Variants in EPB41L4A observed in about 807,000 individuals in gnomAD.
The protein encoded by EPB41L4A is band 4.1-like protein 4A.
Under a neutral mutation model 108.6 loss-of-function variants are expected in EPB41L4A, and 100 were observed. That is an observed-to-expected ratio of 0.92 (90% confidence interval 0.78 to 1.09). The LOEUF (loss-of-function observed/expected upper bound fraction) is 1.09, where lower values mean the gene tolerates loss of function less well. EPB41L4A is among the 50% of genes least tolerant of loss of function. The pLI is 0.00. For missense variants in EPB41L4A, 1,030 were observed against 842.7 expected (o/e 1.22, Z -2.75); for synonymous variants, 319 against 289.0 (o/e 1.10, Z -1.05).
intron 17 of EPB41L4A, among the ~76,000 whole-genome samples, chr5:112,191,127 G>A (rs1360028759): frequency 6.6e-6 from 1 of 152,108 alleles, no homozygotes; most frequent in Admixed American, 6.5e-5. Flanking sequence ...TCAAAACCTA[G>A]AAAGCTGTAG....
At chr5:112,167,503 C>T (rs1189917449) in intron 22 of EPB41L4A, among the ~76,000 whole-genome samples, 1 of 152,060 alleles carries the variant, frequency 6.6e-6, no homozygotes, top group Non-Finnish European at 1.5e-5. Flanking sequence ...TGCCGTGTAG[C>T]TCAAAACTGA....
At chr5:112,186,387 T>G (rs1761428529) in intron 17 of EPB41L4A, among the ~76,000 whole-genome samples, 1 of 152,216 alleles carries the variant, frequency 6.6e-6, no homozygotes, top group African/African-American at 2.4e-5. Context: ...TTCACTCTGA[T>G]GATAAAAAAT....
At chr5:112,148,677 GT>G (rs1219098751) in intron 12 of EPB41L4A, among the ~76,000 whole-genome samples, 1 of 151,776 alleles carries the variant, frequency 6.6e-6, no homozygotes, top group Non-Finnish European at 1.5e-5. Context: ...TGTTTAGTAA[GT>G]TTTTTTTACA....
exon 14 of EPB41L4A, chr5:112,143,536 T>C (rs956283269): frequency 2.5e-5 from 4 of 158,780 alleles, no homozygotes; most frequent in African/African-American, 9.6e-5. Context: ...TCATTAGCAC[T>C]GATGTCAGAC....
At chr5:112,281,916 T>C (rs893384687) in intron 2 of EPB41L4A, among the ~76,000 whole-genome samples, 4 of 152,168 alleles carry the variant, frequency 2.6e-5, no homozygotes, top group African/African-American at 9.7e-5. Flanking sequence ...GCTTCATTAT[T>C]TGTCACTCAC....
Position 112,164,988 on chromosome 5 carries a change from G to C in EPB41L4A, c.*2C>G. On this transcript the variant is annotated 3_prime_UTR_variant, in exon 23 of 23. Coordinates refer to ENST00000261486, the MANE Select transcript of EPB41L4A (RefSeq NM_022140.5). ...ACCCCTACCCTTGACCCTTCATCAG[G>C]ATCAAGTCTCTGTCTTGAGGCGGGA... 1 of 1,612,110 alleles carries C rather than the reference G, an allele frequency of 6.2e-7. No homozygotes were observed. The highest frequency in any genetic ancestry group is 8.5e-7 in the Non-Finnish European group (1 of 1,179,474).
Position 112,240,702 on chromosome 5 carries a change from T to A in EPB41L4A, c.887+17A>T, listed in dbSNP as rs747681560. On this transcript the variant is annotated intron_variant, in intron 10 of 22. Coordinates refer to ENST00000261486, the MANE Select transcript of EPB41L4A (RefSeq NM_022140.5). ...TCATTTATTAAGACAACAAACAAAA[T>A]TTTTACATCAATTTACCTAAAAAAT... 4.8e-6 allele frequency: 7 copies of A among 1,454,984 alleles called. No homozygotes were observed. In the Admixed American group the frequency reaches 1.5e-4, roughly 32 times the overall value. 90.1% of individuals were successfully genotyped at this position (1,454,984 alleles called of 1,614,324 possible).
intron 2 of EPB41L4A, among the ~76,000 whole-genome samples, chr5:112,298,154 T>C (rs913020148): frequency 2.0e-5 from 3 of 152,200 alleles, no homozygotes; most frequent in Non-Finnish European, 4.4e-5. Flanking sequence ...TTTTTTCTAG[T>C]TCTGTGAAGA....
chr5:112,175,633 T>A (rs1457035469), intron 18 of EPB41L4A: 1 of 152,014 alleles, frequency 6.6e-6, no homozygotes, highest in African/African-American at 2.4e-5. Context: ...TTACTGTACA[T>A]CTGAAATGCC....
In EPB41L4A at chr5:112,170,957, C is replaced by CA. The variant is rs1257503346; in HGVS notation, c.1657dup (p.Trp553LeufsTer26). 1 of 1,613,480 alleles carries CA rather than the reference C, an allele frequency of 6.2e-7. No individual in the cohort carries two copies. The highest frequency in any genetic ancestry group is 1.3e-5 in the African/African-American group (1 of 74,902). ...AACTATTACTCACTGAATGTGCTTC[C>CA]ATAACTCTTCTTTTGCTTGGATATC... On this transcript the variant is annotated frameshift_variant, in exon 19 of 23. Transcript: ENST00000261486. LOFTEE classifies it high-confidence loss of function.
chr5:112,389,814 G>A (rs760039292), intron 1 of EPB41L4A, among the ~76,000 whole-genome samples: 2 of 152,026 alleles, frequency 1.3e-5, no homozygotes, highest in African/African-American at 4.8e-5. Context: ...TGTAATATAC[G>A]TTATCTCACT....
chr5:112,300,209 GT>G (rs1294309996), intron 2 of EPB41L4A, among the ~76,000 whole-genome samples: 1 of 148,332 alleles, frequency 6.7e-6, no homozygotes, highest in African/African-American at 2.6e-5. Flanking sequence ...TGTATACCTT[GT>G]TTTTTCTTAA....
At chr5:112,192,036 C>T (rs1421207240) in intron 17 of EPB41L4A, 1 of 152,248 alleles carries the variant, frequency 6.6e-6, no homozygotes, top group African/African-American at 2.4e-5. Context: ...ACAAAGGACA[C>T]TGCTGAGAAC....
At chr5:112,208,262 A>AAAAAAAAG (rs1762565262) in intron 13 of EPB41L4A, among the ~76,000 whole-genome samples, 1 of 151,418 alleles carries the variant, frequency 6.6e-6, no homozygotes, top group Non-Finnish European at 1.5e-5. Flanking sequence ...AAAAAAAAAA[A>AAAAAAAAG]AGACACATAC....
chr5:112,417,085 T>C (rs1762762345), intron 1 of EPB41L4A, among the ~76,000 whole-genome samples: 1 of 152,248 alleles, frequency 6.6e-6, no homozygotes, highest in Non-Finnish European at 1.5e-5. Context: ...ATTGTTTAGT[T>C]ATATGGCCCA....
intron 15 of EPB41L4A, among the ~76,000 whole-genome samples, chr5:112,203,781 C>T (rs995247815): frequency 4.6e-5 from 7 of 152,042 alleles, no homozygotes; most frequent in African/African-American, 4.8e-5. Context: ...GTGGCTTACA[C>T]CTGTAATCCC....
At chr5:112,346,645 T>C (rs1757696579) in intron 1 of EPB41L4A, among the ~76,000 whole-genome samples, 1 of 152,194 alleles carries the variant, frequency 6.6e-6, no homozygotes, top group Admixed American at 6.5e-5. Context: ...CCAAAAACGT[T>C]AGCCCCAGTA....
intron 1 of EPB41L4A, among the ~76,000 whole-genome samples, chr5:112,388,752 T>A (rs1760734859): frequency 6.6e-6 from 1 of 152,184 alleles, no homozygotes; most frequent in Non-Finnish European, 1.5e-5. Context: ...GGCTCTTTTT[T>A]CTCCCCGCAC....
intron 1 of EPB41L4A, among the ~76,000 whole-genome samples, chr5:112,338,804 T>C (rs750743102): frequency 2.6e-5 from 4 of 152,180 alleles, no homozygotes; most frequent in African/African-American, 9.7e-5. Context: ...GTTTTACACA[T>C]TGTCTGTGGC....
Sources: gnomAD v4.1 joint callset for allele counts (sites outside exome capture counted in the v4.1 genomes callset) on GRCh38, gnomAD v4.1.1 for gene constraint, MANE v1.5 for transcripts, NCBI Gene and HGNC (gene_info 2026-07-23, HGNC 2026-07-21) for gene names.